Variants in SEMA5A observed in about 807,000 individuals in gnomAD.
SEMA5A encodes semaphorin-5A.
In SEMA5A, 55 loss-of-function variants were observed where a neutral mutation model predicts 135.5. The ratio of observed to expected loss-of-function variants is 0.41; its 90% CI spans 0.33 to 0.51. SEMA5A has a LOEUF of 0.51. SEMA5A is among the 20% of genes least tolerant of loss of function. The probability of loss-of-function intolerance (pLI) is 0.37; values close to 1 mark genes in which losing one functional copy is unlikely to be tolerated. For missense variants in SEMA5A, 1,290 were observed against 1,419.9 expected (o/e 0.91, Z 1.47); for synonymous variants, 580 against 546.5 (o/e 1.06, Z -0.85).
intron 5 of SEMA5A, among the ~76,000 whole-genome samples, chr5:9,286,649 T>C (rs1750809888): frequency 6.6e-6 from 1 of 152,182 alleles, no homozygotes; most frequent in Admixed American, 6.5e-5. Context: ...ATATGTTCCT[T>C]ATTCATATGT....
rs759144717 is a variant in SEMA5A, at chr5:9,083,215, G to T, written c.2074-16569C>A. Among the ~76,000 whole-genome samples the T allele has an allele frequency of 1.1e-4, 17 of 152,244 alleles. No individual in the cohort carries two copies. In the South Asian group the frequency reaches 1.5e-3, roughly 13 times the overall value. The stretch of plus-strand genomic sequence containing the variant: ...GTGTTTTCTTGGCTCTCTGTGCTGG[G>T]ATTTCATCATTTAATGGATCTGGGC... On this transcript the variant is annotated intron_variant, in intron 16 of 22. Transcript: ENST00000382496.
At chr5:9,356,103 T>G (rs1754432405) in intron 3 of SEMA5A, among the ~76,000 whole-genome samples, 1 of 152,212 alleles carries the variant, frequency 6.6e-6, no homozygotes, top group Non-Finnish European at 1.5e-5. Context: ...CTTCAATTCT[T>G]TCCCCAGAAG....
chr5:9,131,404 C>T (rs1178135367), intron 13 of SEMA5A, among the ~76,000 whole-genome samples: 1 of 151,736 alleles, frequency 6.6e-6, no homozygotes, highest in Non-Finnish European at 1.5e-5. Flanking sequence ...GTCAGGAGAT[C>T]GAGACCATCC....
intron 1 of SEMA5A, among the ~76,000 whole-genome samples, chr5:9,512,340 T>C (rs988987019): frequency 2.6e-5 from 4 of 152,220 alleles, no homozygotes; most frequent in African/African-American, 9.6e-5. Flanking sequence ...TCCATATACC[T>C]AACCCTTAGA....
At position 9,094,087 on chromosome 5, in the gene SEMA5A, G is replaced by A. The variant is rs569328559; in HGVS notation, c.2073+14053C>T. Among the ~76,000 whole-genome samples the A allele has an allele frequency of 8.1e-4, 123 of 152,182 alleles. 1 individual carries two copies. The highest frequency in any genetic ancestry group is 2.4e-4 in the Non-Finnish European group (16 of 68,016). ...GTTATTATTTAGCAATTTGAATTAT[G>A]TTTTTTTCTCCTAAGCCAGAAAGGA... On this transcript the variant is annotated intron_variant, in intron 16 of 22. Coordinates refer to ENST00000382496, the MANE Select transcript of SEMA5A (RefSeq NM_003966.3).
chr5:9,245,018 A>T (rs1023807813), intron 5 of SEMA5A, among the ~76,000 whole-genome samples: 1 of 152,192 alleles, frequency 6.6e-6, no homozygotes, highest in Non-Finnish European at 1.5e-5. Context: ...TCTCAAACAA[A>T]AGGAGATAAA....
intron 1 of SEMA5A, among the ~76,000 whole-genome samples, chr5:9,491,764 T>G (rs148428020): frequency 6.6e-6 from 1 of 152,296 alleles, no homozygotes; most frequent in African/African-American, 2.4e-5. Flanking sequence ...CCACTAACAT[T>G]TTACCCATTC....
At chr5:9,281,782 A>G (rs7707808) in intron 5 of SEMA5A, among the ~76,000 whole-genome samples, 150,852 of 151,048 alleles carry the variant, frequency 1, 75,328 homozygotes, top group Non-Finnish European at 1. Context: ...TGACTAATGG[A>G]CATCAGTCAA....
intron 11 of SEMA5A, among the ~76,000 whole-genome samples, chr5:9,183,084 G>GT (rs1312465809): frequency 2.6e-5 from 4 of 152,124 alleles, no homozygotes; most frequent in Non-Finnish European, 5.9e-5. Context: ...AAGGATTCAA[G>GT]TATTTGGTGC....
chr5:9,403,246 T>C (rs1027036078), intron 2 of SEMA5A, among the ~76,000 whole-genome samples: 5 of 152,200 alleles, frequency 3.3e-5, no homozygotes, highest in Non-Finnish European at 7.3e-5. Flanking sequence ...ATATAACTGT[T>C]TATGAATTTA....
chr5:9,387,434 G>T (rs1017115968), intron 2 of SEMA5A, among the ~76,000 whole-genome samples: 1 of 152,226 alleles, frequency 6.6e-6, no homozygotes, highest in South Asian at 2.1e-4. Flanking sequence ...CAAAGAAAAA[G>T]CTCTTTTTAT....
At chr5:9,065,677 G>T (rs1191113171) in intron 17 of SEMA5A, among the ~76,000 whole-genome samples, 1 of 152,202 alleles carries the variant, frequency 6.6e-6, no homozygotes, top group African/African-American at 2.4e-5. Context: ...CTTTGGAAGA[G>T]ATTTTGCCCA....
intron 10 of SEMA5A, among the ~76,000 whole-genome samples, 197 bp from the exon 11 acceptor site, chr5:9,190,668 T>A (rs1367864980): frequency 6.6e-6 from 1 of 152,120 alleles, no homozygotes; most frequent in African/African-American, 2.4e-5. Flanking sequence ...TTTGAACTCA[T>A]ATCTTGGGAG....
chr5:9,165,257 G>T (rs1054266248), intron 11 of SEMA5A, among the ~76,000 whole-genome samples: 14 of 151,906 alleles, frequency 9.2e-5, no homozygotes, highest in African/African-American at 3.1e-4. Flanking sequence ...TAATATATCT[G>T]ATATATATAA....
intron 3 of SEMA5A, among the ~76,000 whole-genome samples, chr5:9,359,509 A>G (rs1448457600): frequency 6.6e-6 from 1 of 152,184 alleles, no homozygotes; most frequent in Admixed American, 6.5e-5. Context: ...GGAATTTCCT[A>G]GCATAACCAG....
intron 8 of SEMA5A, among the ~76,000 whole-genome samples, chr5:9,216,102 CCTAA>C (rs1262884262): frequency 6.6e-6 from 1 of 152,248 alleles, no homozygotes; most frequent in African/African-American, 2.4e-5. Flanking sequence ...TTGAGGTCTT[CCTAA>C]CTTTTTGATG....
chr5:9,141,444 T>G (rs987797632), intron 12 of SEMA5A, among the ~76,000 whole-genome samples: 10 of 152,224 alleles, frequency 6.6e-5, no homozygotes, highest in Admixed American at 1.3e-4. Context: ...CAACATTCAA[T>G]TTTAAAATTT....
intron 15 of SEMA5A, among the ~76,000 whole-genome samples, chr5:9,115,727 G>T (rs1740474477): frequency 6.6e-6 from 1 of 152,134 alleles, no homozygotes; most frequent in Non-Finnish European, 1.5e-5. Flanking sequence ...TGAATGACTG[G>T]GGAACAGAGA....
intron 16 of SEMA5A, among the ~76,000 whole-genome samples, chr5:9,076,662 A>C (rs1419747971): frequency 6.6e-6 from 1 of 152,236 alleles, no homozygotes; most frequent in Non-Finnish European, 1.5e-5. Flanking sequence ...GAGTTTATAC[A>C]TTCCTGTATA....
Sources: allele counts gnomAD v4.1 joint callset (sites outside exome capture counted in the v4.1 genomes callset), GRCh38; gene constraint gnomAD v4.1.1; transcripts MANE v1.5; gene names NCBI Gene and HGNC (gene_info 2026-07-23, HGNC 2026-07-21).